Variants in KAZN observed in about 807,000 individuals in gnomAD.
The protein encoded by KAZN is kazrin, periplakin interacting protein.
In KAZN, 40 loss-of-function variants were observed where a neutral mutation model predicts 87.4. The observed-to-expected ratio is 0.46, with a 90% confidence interval of 0.36 to 0.60. The LOEUF (loss-of-function observed/expected upper bound fraction) is 0.60, where lower values mean the gene tolerates loss of function less well. Among genes scored for constraint, KAZN ranks in the 20% least tolerant of loss-of-function variants. The pLI, the probability that KAZN is intolerant of heterozygous loss-of-function variation, is 0.00. For synonymous variants in KAZN, 466 were observed against 458.3 expected (o/e 1.02, Z -0.22); for missense variants, 898 against 1,073.9 (o/e 0.84, Z 2.29).
Position 14,724,114 on chromosome 1 carries a change from G to A in KAZN, c.226+124891G>A, listed in dbSNP as rs1255779362. On this transcript the variant is annotated intron_variant, in intron 1 of 14. Coordinates refer to ENST00000376030, the MANE Select transcript of KAZN (RefSeq NM_201628.3). Reference sequence around the variant, plus strand: ...GCCACAAACAAAGAAAGCACACAGGGCAAGATGCTACCAGTGATTAATTCC... The same window carrying A: ...GCCACAAACAAAGAAAGCACACAGGACAAGATGCTACCAGTGATTAATTCC... 4.6e-5 allele frequency among the ~76,000 whole-genome samples: 7 copies of A among 152,166 alleles called. No homozygotes were observed. The East Asian group carries it at 1.2e-3, about 25-fold the overall frequency.
At chr1:14,160,917 G>T (rs75857476) in intron 1 of KAZN, among the ~76,000 whole-genome samples, 1 of 152,174 alleles carries the variant, frequency 6.6e-6, no homozygotes, top group Admixed American at 6.5e-5. Flanking sequence ...GAAATAATTC[G>T]TTGCTGATAA....
chr1:15,044,015 G>A lies in KAZN; in HGVS notation c.582G>A (p.Leu194=), dbSNP rs1342603076. 6.2e-7 allele frequency: 1 copy of A among 1,611,728 alleles called. No homozygotes were observed. The highest frequency in any genetic ancestry group is 2.2e-5 in the East Asian group (1 of 44,844). Residue 194 remains leucine (L), a synonymous_variant, in exon 4 of 15, where the codon CTG becomes CTA. Coordinates refer to ENST00000376030, the MANE Select transcript of KAZN (RefSeq NM_201628.3). The stretch of plus-strand genomic sequence containing the variant: ...AGAGCGAGGATGCGGTCAAAGCGCT[G>A]GCCAAGGAGAAGGACCTGCTGGAGC... The part of the protein sequence containing the change: ...RKESEDAVKA[L]AKEKDLLERE...
At chr1:13,919,895 T>A (rs1252347511) in intron 1 of KAZN, among the ~76,000 whole-genome samples, 1 of 152,196 alleles carries the variant, frequency 6.6e-6, no homozygotes, top group East Asian at 1.9e-4. Flanking sequence ...CCTTTTATAT[T>A]TGGATCTAAA....
At position 14,856,044 on chromosome 1, in the gene KAZN, A is replaced by G. The variant is rs565606376; in HGVS notation, c.227-104640A>G. 6.6e-6 allele frequency among the ~76,000 whole-genome samples: 1 copy of G among 152,324 alleles called. No individual in the cohort carries two copies. Among genetic ancestry groups the G allele is most frequent in the African/African-American group, 2.4e-5 (1 of 41,574 alleles). The stretch of plus-strand genomic sequence containing the variant: ...GGAGCACATTAGTAATTGGAATGTG[A>G]CATTGGGATATGGCAGGTGAGTAAT... On this transcript the variant is annotated intron_variant, in intron 1 of 14. Transcript: ENST00000376030. The surrounding 1 kb of genome is among the most constrained non-coding windows in gnomAD (Gnocchi z 5.2).
At chr1:14,530,722 A>G (rs745480466) in intron 2 of KAZN, among the ~76,000 whole-genome samples, 3 of 152,116 alleles carry the variant, frequency 2.0e-5, no homozygotes, top group Non-Finnish European at 4.4e-5. Context: ...CCAGAAGCAG[A>G]TGTCATCACC....
intron 1 of KAZN, among the ~76,000 whole-genome samples, chr1:14,794,722 C>T (rs1411531363): frequency 6.6e-6 from 1 of 152,178 alleles, no homozygotes; most frequent in Non-Finnish European, 1.5e-5. Context: ...ATGGTTAATA[C>T]TGAGTGTCAA....
chr1:14,109,685 G>A (rs762083597), intron 1 of KAZN, among the ~76,000 whole-genome samples: 14 of 152,214 alleles, frequency 9.2e-5, no homozygotes, highest in South Asian at 2.1e-4. Context: ...ACGGCCCAGC[G>A]TGAACCTGAG....
chr1:14,502,706 GTGTGA>G (rs1243443108), intron 2 of KAZN, among the ~76,000 whole-genome samples: 1 of 152,172 alleles, frequency 6.6e-6, no homozygotes, highest in African/African-American at 2.4e-5. Context: ...CCTGAGCACT[GTGTGA>G]TGACCACAGC....
chr1:14,456,002 G>T (rs1374981097), intron 2 of KAZN, among the ~76,000 whole-genome samples: 1 of 152,166 alleles, frequency 6.6e-6, no homozygotes, highest in Non-Finnish European at 1.5e-5. Flanking sequence ...TGTTAGTTTG[G>T]TCCTGAATAT....
intron 1 of KAZN, among the ~76,000 whole-genome samples, chr1:14,888,599 T>C (rs1256929821): frequency 6.6e-6 from 1 of 152,082 alleles, no homozygotes; most frequent in Non-Finnish European, 1.5e-5. Flanking sequence ...TTTGCGTGAA[T>C]TAATTAATTC....
chr1:14,261,565 G>T (rs1246392271), intron 2 of KAZN, among the ~76,000 whole-genome samples: 1 of 147,668 alleles, frequency 6.8e-6, no homozygotes, highest in Non-Finnish European at 1.5e-5. Flanking sequence ...ATTCTCCACC[G>T]ACGAGGCACT....
chr1:14,987,351 G>A (rs1394423402), intron 2 of KAZN, among the ~76,000 whole-genome samples: 6 of 152,012 alleles, frequency 3.9e-5, no homozygotes, highest in African/African-American at 1.2e-4. Context: ...AAAATTAGCC[G>A]AGCATGGTGG....
chr1:15,004,841 TA>T (rs1259088652), intron 2 of KAZN, among the ~76,000 whole-genome samples: 1 of 152,154 alleles, frequency 6.6e-6, no homozygotes, highest in Non-Finnish European at 1.5e-5. Flanking sequence ...GTAAAGTGGG[TA>T]TAATAATAGT....
intron 2 of KAZN, among the ~76,000 whole-genome samples, chr1:14,195,189 C>A (rs1239367691): frequency 3.3e-5 from 5 of 152,212 alleles, no homozygotes; most frequent in African/African-American, 9.6e-5. Flanking sequence ...TGGAGTGTTT[C>A]TAATTCACTG....
At chr1:15,110,784 C>T (rs1641579783) in intron 13 of KAZN, among the ~76,000 whole-genome samples, 1 of 152,224 alleles carries the variant, frequency 6.6e-6, no homozygotes. Context: ...AATTTCCATC[C>T]CTGCCACTGG....
chr1:14,346,506 GTAGA>G (rs1658119951), intron 2 of KAZN, among the ~76,000 whole-genome samples: 1 of 152,072 alleles, frequency 6.6e-6, no homozygotes, highest in South Asian at 2.1e-4. Flanking sequence ...AAAGAAGGAG[GTAGA>G]TAGAGAGTGG....
intron 1 of KAZN, among the ~76,000 whole-genome samples, chr1:14,108,969 T>G (rs966423897): frequency 6.6e-6 from 1 of 152,182 alleles, no homozygotes; most frequent in Non-Finnish European, 1.5e-5. Context: ...ATCGTGTGTA[T>G]GAGTGTTTCA....
chr1:14,139,895 G>T (rs947928465), intron 1 of KAZN, among the ~76,000 whole-genome samples: 5 of 151,878 alleles, frequency 3.3e-5, no homozygotes, highest in African/African-American at 4.8e-5. Context: ...ATTTACTCAA[G>T]TGTGGGAGGA....
intron 1 of KAZN, among the ~76,000 whole-genome samples, chr1:14,093,097 C>T (rs535218925): frequency 1.5e-4 from 23 of 152,346 alleles, no homozygotes; most frequent in African/African-American, 5.5e-4. Flanking sequence ...ACTGTGCTCC[C>T]ATGGCGTGTG....
Sources: allele counts gnomAD v4.1 joint callset (sites outside exome capture counted in the v4.1 genomes callset), GRCh38; gene constraint gnomAD v4.1.1; non-coding constraint Gnocchi (gnomAD v3.1); transcripts MANE v1.5; gene names NCBI Gene and HGNC (gene_info 2026-07-23, HGNC 2026-07-21).